Variants in TNIK observed in about 807,000 individuals in gnomAD.
TNIK encodes TRAF2 and NCK-interacting protein kinase.
Under a neutral mutation model 191.3 loss-of-function variants are expected in TNIK, and 49 were observed. That is an observed-to-expected ratio of 0.26 (90% CI 0.20 to 0.32). The LOEUF is 0.32. Among genes scored for constraint, TNIK ranks in the 10% least tolerant of loss-of-function variants. The probability of loss-of-function intolerance (pLI) is 1.00; values close to 1 mark genes in which losing one functional copy is unlikely to be tolerated. For synonymous variants in TNIK, 594 were observed against 600.9 expected, an observed-to-expected ratio of 0.99 and a Z score of 0.17; for missense variants, 1,155 against 1,702.3, an observed-to-expected ratio of 0.68 and a Z score of 5.66.
At position 171,103,015 on chromosome 3, in the gene TNIK, A is replaced by T. The variant is rs1185516125; in HGVS notation, c.2407-1382T>A. Among the ~76,000 whole-genome samples the T allele has an allele frequency of 2.6e-5, 4 of 152,246 alleles. No individual in the cohort carries two copies. In the East Asian group the frequency reaches 7.7e-4, roughly 29 times the overall value. ...CGTGGTCTAGAAATTTAGGCAATTCATAGTGTTAACTGAAGGGTCATTTCT... is the reference window on the plus strand; with the variant it reads ...CGTGGTCTAGAAATTTAGGCAATTCTTAGTGTTAACTGAAGGGTCATTTCT... On this transcript the variant is annotated intron_variant, in intron 21 of 32. Transcript: ENST00000436636.
At chr3:171,449,535 G>A in intron 1 of TNIK, among the ~76,000 whole-genome samples, 1 of 151,540 alleles carries the variant, frequency 6.6e-6, no homozygotes, top group Non-Finnish European at 1.5e-5. Flanking sequence ...TAAAAAATAG[G>A]TTACATATAA....
intron 4 of TNIK, among the ~76,000 whole-genome samples, chr3:171,201,750 TA>T (rs1739437068): frequency 6.6e-6 from 1 of 152,258 alleles, no homozygotes; most frequent in African/African-American, 2.4e-5. Flanking sequence ...TTTCAAACCT[TA>T]AAAAGCAACT....
At chr3:171,458,484 C>T (rs532903896) in intron 1 of TNIK, among the ~76,000 whole-genome samples, 1 of 152,340 alleles carries the variant, frequency 6.6e-6, no homozygotes, top group Admixed American at 6.5e-5. Flanking sequence ...CAACTCCTTA[C>T]TTGCCTTGCT....
In TNIK at chr3:171,455,446, G is replaced by A. The variant is rs184263650; in HGVS notation, c.57+4561C>T. Among the ~76,000 whole-genome samples the A allele has an allele frequency of 2.8e-3, 412 of 148,264 alleles. 2 individuals carry two copies. The highest frequency in any genetic ancestry group is 8.9e-3 in the African/African-American group (357 of 40,160). On this transcript the variant is annotated intron_variant, in intron 1 of 32. Transcript: ENST00000436636. ...TTTAGAGATGGAGTCTCCCTACATT[G>A]CCCATGATGATCTGAAACTCCTGGT...
At chr3:171,344,491 T>C (rs1174309016) in intron 2 of TNIK, among the ~76,000 whole-genome samples, 1 of 152,174 alleles carries the variant, frequency 6.6e-6, no homozygotes, top group East Asian at 1.9e-4. Context: ...AGATATGTTA[T>C]GGTCATTCAA....
At chr3:171,388,422 G>C (rs1416468386) in intron 1 of TNIK, among the ~76,000 whole-genome samples, 1 of 152,136 alleles carries the variant, frequency 6.6e-6, no homozygotes, top group Admixed American at 6.5e-5. Context: ...TTAAAATTAG[G>C]TATAAAAAGA....
chr3:171,107,289 G>GTAAT, intron 20 of TNIK, 83 bp from the exon 21 acceptor site: 6 of 1,289,414 alleles, frequency 4.7e-6, no homozygotes, highest in Non-Finnish European at 6.5e-6. Flanking sequence ...ACACAAAATT[G>GTAAT]TAATTGTTAG....
chr3:171,110,925 G>A, intron 18 of TNIK, 48 bp from the exon 19 acceptor site: 2 of 1,497,922 alleles, frequency 1.3e-6, no homozygotes, highest in East Asian at 2.4e-5. Context: ...GACCTTGCCA[G>A]TTTTGCAGAT....
intron 2 of TNIK, among the ~76,000 whole-genome samples, chr3:171,293,405 C>T (rs1424903294): frequency 1.3e-5 from 2 of 152,186 alleles, no homozygotes; most frequent in Admixed American, 6.5e-5. Flanking sequence ...GTAGGATGTG[C>T]ACCACTGGTA....
At chr3:171,231,574 G>C (rs965842137) in intron 2 of TNIK, among the ~76,000 whole-genome samples, 1 of 152,084 alleles carries the variant, frequency 6.6e-6, no homozygotes, top group Admixed American at 6.5e-5. Context: ...AGGATGCTGA[G>C]CTGTCACATT....
intron 2 of TNIK, among the ~76,000 whole-genome samples, chr3:171,336,481 CAT>C: frequency 6.6e-6 from 1 of 152,182 alleles, no homozygotes; most frequent in Non-Finnish European, 1.5e-5. Context: ...TGTATGACCA[CAT>C]AAGTCAAGCT....
At position 171,071,807 on chromosome 3, in the gene TNIK, T is replaced by G. The variant is rs577905770; in HGVS notation, c.3449-484A>C. Among the ~76,000 whole-genome samples, 98 of 152,298 alleles carry G rather than the reference T, an allele frequency of 6.4e-4. 1 individual carries two copies. The highest frequency in any genetic ancestry group is 2.2e-3 in the African/African-American group (93 of 41,584). ...ATTACCAAGTGAAATAATTGCTTATTTATGCTTCTAACGAAAGGGGGGTGT... is the reference window on the plus strand; with the variant it reads ...ATTACCAAGTGAAATAATTGCTTATGTATGCTTCTAACGAAAGGGGGGTGT... On this transcript the variant is annotated intron_variant, in intron 28 of 32. Transcript: ENST00000436636.
chr3:171,241,612 GCTTT>G (rs1437994928), intron 2 of TNIK, among the ~76,000 whole-genome samples: 2 of 152,102 alleles, frequency 1.3e-5, no homozygotes, highest in African/African-American at 2.4e-5. Context: ...AAATATATAT[GCTTT>G]ATTTAAATAT....
chr3:171,255,124 G>A (rs1460667526), intron 2 of TNIK, among the ~76,000 whole-genome samples: 1 of 141,876 alleles, frequency 7.0e-6, no homozygotes, highest in Non-Finnish European at 1.5e-5. Flanking sequence ...GGATTGCAAT[G>A]GACTTTGAGG....
At chr3:171,237,860 G>A (rs1196740391) in intron 2 of TNIK, among the ~76,000 whole-genome samples, 2 of 152,168 alleles carry the variant, frequency 1.3e-5, no homozygotes, top group Non-Finnish European at 2.9e-5. Context: ...TGAGGCTGCA[G>A]TATGCTCTTG....
rs150682465 is a variant in TNIK, at chr3:171,213,146, C to T, written c.181-1905G>A. 7.2e-4 allele frequency among the ~76,000 whole-genome samples: 110 copies of T among 152,172 alleles called. 2 individuals carry two copies. The highest frequency in any genetic ancestry group is 2.6e-3 in the African/African-American group (107 of 41,522). On this transcript the variant is annotated intron_variant, in intron 3 of 32. Transcript: ENST00000436636. ...CAGGTCGTGAAGAGAATGACCTTCG[C>T]CAGCCCTCAACTTGTTGAAGGGTCC... is the stretch of plus-strand genomic sequence containing the variant.
At chr3:171,268,906 T>G (rs1242180186) in intron 2 of TNIK, among the ~76,000 whole-genome samples, 4 of 152,148 alleles carry the variant, frequency 2.6e-5, no homozygotes, top group Admixed American at 6.5e-5. Context: ...GTGATGCAAA[T>G]TCAAAGGCAT....
chr3:171,074,559 C>T (rs1422075165), intron 28 of TNIK, among the ~76,000 whole-genome samples: 1 of 151,746 alleles, frequency 6.6e-6, no homozygotes, highest in Non-Finnish European at 1.5e-5. Flanking sequence ...TGCTGATTTT[C>T]AGGGTGAAAG....
intron 5 of TNIK, among the ~76,000 whole-genome samples, chr3:171,193,134 G>C (rs1251592371): frequency 6.6e-6 from 1 of 152,166 alleles, no homozygotes; most frequent in Non-Finnish European, 1.5e-5. Flanking sequence ...ATGTGGGTCT[G>C]TTCCTGGACC....
Sources: allele counts gnomAD v4.1 joint callset (sites outside exome capture counted in the v4.1 genomes callset), GRCh38; gene constraint gnomAD v4.1.1; transcripts MANE v1.5; gene names NCBI Gene and HGNC (gene_info 2026-07-23, HGNC 2026-07-21).